The following TXNRD1 variants were observed in gnomAD, a reference collection of about 807,000 sequenced individuals.
TXNRD1 encodes thioredoxin reductase 1, cytoplasmic.
A neutral mutation model predicts 80.3 loss-of-function variants in TXNRD1; 57 were observed. That is an observed-to-expected ratio of 0.71 (90% CI 0.57 to 0.89). TXNRD1 has a LOEUF of 0.89. TXNRD1 is among the 40% of genes least tolerant of loss of function. The pLI is 0.00. For missense variants in TXNRD1, 730 were observed against 803.0 expected (o/e 0.91, Z 1.10); for synonymous variants, 291 against 285.2 (o/e 1.02, Z -0.20).
At chr12:104,331,675 T>G in intron 14 of TXNRD1, 34 bp downstream of exon 14, 1 of 1,393,406 alleles carries the variant, frequency 7.2e-7, no homozygotes, top group Non-Finnish European at 1.0e-6. Context: ...CTATGTTATA[T>G]CACTACTTTT....
intron 4 of TXNRD1, chr12:104,304,879 A>G (rs1223822856): frequency 6.2e-7 from 1 of 1,612,356 alleles, no homozygotes; most frequent in Middle Eastern, 1.7e-4. Context: ...AGGAGTGGAA[A>G]AACATTGTGG....
chr12:104,221,029 A>G (rs909845385), intron 1 of TXNRD1, among the ~76,000 whole-genome samples: 1 of 152,128 alleles, frequency 6.6e-6, no homozygotes, highest in African/African-American at 2.4e-5. Context: ...GCACTTTGGG[A>G]GGCCCAGCTG....
At chr12:104,319,638 C>A (rs1362250873) in intron 9 of TXNRD1, 53 bp downstream of exon 9, 1 of 1,340,638 alleles carries the variant, frequency 7.5e-7, no homozygotes, top group Non-Finnish European at 1.0e-6. Context: ...ATATTGCTTT[C>A]GCATTTTTCT....
intron 15 of TXNRD1, among the ~76,000 whole-genome samples, chr12:104,338,877 C>T (rs374672759): frequency 2.6e-5 from 4 of 151,950 alleles, no homozygotes; most frequent in African/African-American, 4.8e-5. Context: ...CCACCACGCC[C>T]GGCTAATTTT....
At chr12:104,237,895 C>T (rs937570213) in intron 1 of TXNRD1, among the ~76,000 whole-genome samples, 3 of 151,948 alleles carry the variant, frequency 2.0e-5, no homozygotes, top group South Asian at 2.1e-4. Context: ...CCTGTAGTCC[C>T]GGCTACTCGG....
At chr12:104,276,533 C>T (rs2033761554) in intron 3 of TXNRD1, 2 of 152,178 alleles carry the variant, frequency 1.3e-5, no homozygotes, top group African/African-American at 4.8e-5. Flanking sequence ...CAGGGCCTCC[C>T]CACCACCACT....
chr12:104,343,154 G>A (rs1469120166), intron 16 of TXNRD1, among the ~76,000 whole-genome samples: 3 of 152,188 alleles, frequency 2.0e-5, no homozygotes, highest in Admixed American at 6.5e-5. Flanking sequence ...TAACTTAGTC[G>A]TTGTGAGCAC....
chr12:104,303,761 A>G, intron 4 of TXNRD1: 1 of 1,135,836 alleles, frequency 8.8e-7, no homozygotes, highest in Non-Finnish European at 1.2e-6. Context: ...CCTCGGCTCT[A>G]ACTGCCGCCA....
At chr12:104,317,454 G>C (rs2135822063) in intron 7 of TXNRD1, among the ~76,000 whole-genome samples, 1 of 140,552 alleles carries the variant, frequency 7.1e-6, no homozygotes, top group Admixed American at 7.5e-5. Context: ...CAATATCCAT[G>C]ATCTATCTGT....
In TXNRD1 at chr12:104,321,167, G is replaced by C. The variant is rs375808643; in HGVS notation, c.1066G>C (p.Ala356Pro). ...VGASYVALECAGFLAGIGLDV... is the reference protein window; with the variant it reads ...VGASYVALECPGFLAGIGLDV... ...AGCATCCTATGTCGCTTTGGAGTGC[G>C]CTGGATTTCTTGCTGGTATTGGTTT... Residue 356 changes from alanine (A) to proline (P), a missense_variant, in exon 10 of 17, where the codon GCT (alanine) becomes CCT (proline). Ala to Pro is a conservative substitution (Grantham distance 27). Coordinates refer to ENST00000525566, the MANE Select transcript of TXNRD1 (RefSeq NM_001093771.3). 1 of 1,613,182 alleles carries C rather than the reference G, an allele frequency of 6.2e-7. No homozygotes were observed.
chr12:104,280,722 G>A (rs77507001), intron 3 of TXNRD1: 1 of 152,062 alleles, frequency 6.6e-6, no homozygotes, highest in Non-Finnish European at 1.5e-5. Flanking sequence ...AGAAAAGATG[G>A]AGGTTTCCCA....
chr12:104,304,469 C>G (rs923195110), intron 4 of TXNRD1: 1 of 1,613,950 alleles, frequency 6.2e-7, no homozygotes. Context: ...CAAGCTAGAA[C>G]GTTCTGCACC....
chr12:104,252,662 T>TATATATATATA lies in TXNRD1; in HGVS notation c.243+984_243+985insATATATATATA, dbSNP rs756948232. On this transcript the variant is annotated intron_variant, in intron 2 of 16. Coordinates refer to ENST00000525566, the MANE Select transcript of TXNRD1 (RefSeq NM_001093771.3). ...CACTGAGAGGTTAATTTATTATTTT[T>TATATATATATA]TATATATATATATATATATATATAT... Among the ~76,000 whole-genome samples, 37 of 45,794 alleles carry TATATATATATA rather than the reference T, an allele frequency of 8.1e-4. 1 individual carries two copies. Among genetic ancestry groups the TATATATATATA allele is most frequent in the East Asian group, 4.7e-3 (4 of 852 alleles). 30.0% of individuals were successfully genotyped at this position (45,794 alleles called of 152,430 possible). A position where few individuals can be genotyped will look rare whatever the true frequency, so the allele number is the denominator to read the frequency against.
In TXNRD1 at chr12:104,348,380, C is replaced by A; in HGVS notation, c.1909C>A (p.Arg637Ser). ...ATTCACAACATTGTCTGTGACCAAGCGCTCTGGGGCAAGCATCCTCCAGGC... is the reference window on the plus strand; with the variant it reads ...ATTCACAACATTGTCTGTGACCAAGAGCTCTGGGGCAAGCATCCTCCAGGC... ...EVFTTLSVTK[R>S]SGASILQAGC... The change falls in exon 17 of 17, where the codon CGC (arginine) becomes AGC (serine). Residue 637 changes from arginine (R) to serine (S), a missense_variant. By Grantham distance (110) the Arg-to-Ser change is moderately radical (BLOSUM62 -1). Transcript: ENST00000525566. The A allele has an allele frequency of 6.2e-7, 1 of 1,614,004 alleles. No homozygotes were observed.
chr12:104,263,002 G>A (rs2033401971), intron 3 of TXNRD1, among the ~76,000 whole-genome samples: 1 of 151,960 alleles, frequency 6.6e-6, no homozygotes, highest in African/African-American at 2.4e-5. Flanking sequence ...CTGTATTTTG[G>A]CCAGTCTACA....
At chr12:104,286,903 C>T (rs1454320056) in intron 3 of TXNRD1, 1 of 1,147,556 alleles carries the variant, frequency 8.7e-7, no homozygotes, top group Non-Finnish European at 1.1e-6. Context: ...GCATAGGTTG[C>T]CAGGGCTGCA....
At chr12:104,333,513 G>A (rs963265935) in intron 14 of TXNRD1, among the ~76,000 whole-genome samples, 2 of 151,752 alleles carry the variant, frequency 1.3e-5, no homozygotes, top group South Asian at 2.1e-4. Context: ...ATTAAATTTT[G>A]TAACCCATGT....
In TXNRD1 at chr12:104,234,229, C is replaced by G. The variant is rs559430259; in HGVS notation, c.92-17298C>G. ...GCATTTTGATGATACTTGCATTTTG[C>G]CAATAATCTTTGAGACTGTTTTTAT... is the stretch of plus-strand genomic sequence containing the variant. On this transcript the variant is annotated intron_variant, in intron 1 of 16. Coordinates refer to ENST00000525566, the MANE Select transcript of TXNRD1 (RefSeq NM_001093771.3). 2.0e-5 allele frequency among the ~76,000 whole-genome samples: 3 copies of G among 152,164 alleles called. No individual in the cohort carries two copies. The South Asian group carries it at 6.2e-4, about 31-fold the overall frequency.
chr12:104,271,180 TTTC>T (rs1328481439), intron 3 of TXNRD1, among the ~76,000 whole-genome samples: 6 of 109,678 alleles, frequency 5.5e-5, no homozygotes, highest in Non-Finnish European at 8.7e-5. Context: ...TCATTAGTTC[TTTC>T]TTTTTTTTTT....
Sources: gnomAD v4.1 joint callset for allele counts (sites outside exome capture counted in the v4.1 genomes callset) on GRCh38, gnomAD v4.1.1 for gene constraint, MANE v1.5 for transcripts, NCBI Gene and HGNC (gene_info 2026-07-23, HGNC 2026-07-21) for gene names.